HDAC4: variants seen among roughly 807,000 people sequenced by gnomAD.
The protein encoded by HDAC4 is histone deacetylase A.
HDAC4 carries 16 observed loss-of-function variants against 135.1 expected under a neutral mutation model. The observed-to-expected ratio is 0.12, with a 90% CI of 0.08 to 0.18. The LOEUF (loss-of-function observed/expected upper bound fraction) is 0.18. Among genes scored for constraint, HDAC4 ranks in the 10% least tolerant of loss-of-function variants. The pLI is 1.00. For synonymous variants in HDAC4, 685 were observed against 653.4 expected (o/e 1.05, Z -0.74); for missense variants, 1,143 against 1,511.8 (o/e 0.76, Z 4.05).
At chr2:239,147,730 A>G (rs945096566) in intron 7 of HDAC4, among the ~76,000 whole-genome samples, 3 of 152,388 alleles carry the variant, frequency 2.0e-5, no homozygotes, top group South Asian at 2.1e-4. Flanking sequence ...TTCCAAATGC[A>G]GTGTCTGCTC....
At chr2:239,089,702 C>T (rs560423128) in intron 18 of HDAC4, 38 of 342,432 alleles carry the variant, frequency 1.1e-4, no homozygotes, top group African/African-American at 7.4e-4. Context: ...GTGGATATAA[C>T]TCATGTAAAC....
At chr2:239,218,493 T>A (rs1575438240) in intron 3 of HDAC4, among the ~76,000 whole-genome samples, 1 of 150,990 alleles carries the variant, frequency 6.6e-6, no homozygotes. Context: ...ACTTAAACAT[T>A]AGACCTAAAA....
chr2:239,209,462 A>G (rs518274), intron 3 of HDAC4, among the ~76,000 whole-genome samples: 82,846 of 152,100 alleles, frequency 0.54, 23,706 homozygotes, highest in South Asian at 0.72. Flanking sequence ...CACTTATCCT[A>G]CTATTCTACG....
intron 2 of HDAC4, among the ~76,000 whole-genome samples, chr2:239,275,179 G>A (rs940981655): frequency 1.3e-5 from 2 of 152,184 alleles, no homozygotes; most frequent in African/African-American, 4.8e-5. Context: ...AGCCCCGTGG[G>A]CCGAAGCCAC....
intron 2 of HDAC4, among the ~76,000 whole-genome samples, chr2:239,314,163 CACCAGGCAGAA>C (rs2053015701): frequency 6.6e-6 from 1 of 152,198 alleles, no homozygotes; most frequent in South Asian, 2.1e-4. Flanking sequence ...CACCTCCCAG[CACCAGGCAGAA>C]ACCTTCTCTA....
At chr2:239,174,079 C>T (rs1489070532) in intron 5 of HDAC4, among the ~76,000 whole-genome samples, 1 of 152,132 alleles carries the variant, frequency 6.6e-6, no homozygotes, top group African/African-American at 2.4e-5. Context: ...ATTCCAGGTA[C>T]AATCAGCTCC....
In HDAC4 at chr2:239,199,538, TGG is replaced by T. The variant is rs34988209; in HGVS notation, c.95-9463_95-9462del. Among the ~76,000 whole-genome samples, 4 of 152,070 alleles carry T rather than the reference TGG, an allele frequency of 2.6e-5. No individual in the cohort carries two copies. In the South Asian group the frequency reaches 6.2e-4, roughly 24 times the overall value. On this transcript the variant is annotated intron_variant, in intron 3 of 26. Coordinates refer to ENST00000543185, the MANE Select transcript of HDAC4 (RefSeq NM_001378414.1). ...TTTGCCCATGTCTGAAAATCCTGAG[TGG>T]GTCTCGTGGCAGCCTCCAAACTCGA...
chr2:239,101,913 G>A (rs2037684910), intron 16 of HDAC4, among the ~76,000 whole-genome samples: 1 of 149,032 alleles, frequency 6.7e-6, no homozygotes, highest in Non-Finnish European at 1.5e-5. Context: ...GGAGCCCCCG[G>A]CCCCGGGTCT....
chr2:239,242,177 G>A (rs1228359377), intron 2 of HDAC4, among the ~76,000 whole-genome samples: 1 of 141,650 alleles, frequency 7.1e-6, no homozygotes, highest in Non-Finnish European at 1.5e-5. Flanking sequence ...GAGAAAGAAA[G>A]AGAGAGAGAG....
rs1048021290 is a variant in HDAC4 at position 239,094,798 on chromosome 2, G to C, written c.2280+212C>G. The C allele has an allele frequency of 3.5e-6, 5 of 1,426,314 alleles. No individual in the cohort carries two copies. The African/African-American group carries it at 7.2e-5, about 20-fold the overall frequency. 88.4% of individuals were successfully genotyped at this position (1,426,314 alleles called of 1,614,324 possible). On this transcript the variant is annotated intron_variant, in intron 17 of 26. Coordinates refer to ENST00000543185, the MANE Select transcript of HDAC4 (RefSeq NM_001378414.1). ...GCACCCCAGAGCCCCAGCCACCTGC[G>C]CCAGACAACCTTCCCCAGAGAAAGG...
chr2:239,061,458 G>A (rs112054963), intron 24 of HDAC4, among the ~76,000 whole-genome samples: 3,691 of 151,442 alleles, frequency 0.024, 115 homozygotes, highest in African/African-American at 0.068. Context: ...GTGGGTGTGC[G>A]TATGTGTGGT....
chr2:239,188,500 G>A (rs1363481498), intron 4 of HDAC4, among the ~76,000 whole-genome samples: 1 of 152,202 alleles, frequency 6.6e-6, no homozygotes, highest in Admixed American at 6.5e-5. Context: ...AAGACCTCAG[G>A]TGAACAACTT....
rs138545797 is a variant in HDAC4 at position 239,186,265 on chromosome 2, C to T, written c.339+3568G>A. ...TTTAAGTTATATTTTAAAAATGACT[C>T]CCTTTTCAATTATAAAACTCTATTC... is the stretch of plus-strand genomic sequence containing the variant. On this transcript the variant is annotated intron_variant, in intron 4 of 26. Coordinates refer to ENST00000543185, the MANE Select transcript of HDAC4 (RefSeq NM_001378414.1). Among the ~76,000 whole-genome samples the T allele has an allele frequency of 2.5e-3, 384 of 152,276 alleles. 2 individuals are homozygous for T. The highest frequency in any genetic ancestry group is 8.8e-3 in the African/African-American group (366 of 41,552).
rs2277885 is a variant in HDAC4 at position 239,126,331 on chromosome 2, C to T, written c.1533+125G>A. On this transcript the variant is annotated intron_variant, in intron 12 of 26. Coordinates refer to ENST00000543185, the MANE Select transcript of HDAC4 (RefSeq NM_001378414.1). ...CTGTGGGCCAGAGCATGTGCCTCCT[C>T]GGTTCCCTCTTTCTGCCTCCTGGCC... 0.56 allele frequency: 840,620 copies of T among 1,505,422 alleles called. 237,909 individuals carry two copies. The highest frequency in any genetic ancestry group is 0.76 in the East Asian group (33,209 of 43,824). 93.3% of individuals were successfully genotyped at this position (1,505,422 alleles called of 1,614,324 possible). A position where few individuals can be genotyped will look rare whatever the true frequency, so the allele number is the denominator to read the frequency against.
chr2:239,241,377 C>G (rs2048166651), intron 2 of HDAC4, among the ~76,000 whole-genome samples: 1 of 152,186 alleles, frequency 6.6e-6, no homozygotes, highest in Non-Finnish European at 1.5e-5. Flanking sequence ...TTTGTCTTTC[C>G]CAGATGACCA....
chr2:239,111,458 G>T lies in HDAC4; in HGVS notation c.1978+68C>A. 1.4e-5 allele frequency: 21 copies of T among 1,466,480 alleles called. No individual in the cohort carries two copies. In the South Asian group the frequency reaches 2.4e-4, roughly 17 times the overall value. The allele number at this position is 1,466,480 out of a possible 1,614,324, so 90.8% of individuals were successfully genotyped here. A position where few individuals can be genotyped will look rare whatever the true frequency, so the allele number is the denominator to read the frequency against. ...AGCCTCTGCAGAGCTGGGCCGGGAA[G>T]AGCCCCCCGCGCTGTGCCCACTGTG... On this transcript the variant is annotated intron_variant, in intron 14 of 26. Transcript: ENST00000543185.
intron 2 of HDAC4, among the ~76,000 whole-genome samples, chr2:239,249,665 T>C (rs543781871): frequency 3.3e-5 from 5 of 152,162 alleles, no homozygotes; most frequent in Non-Finnish European, 7.3e-5. Context: ...CAACATGTAT[T>C]TCAGCAGCAT....
At chr2:239,234,930 C>T (rs1181244796) in intron 3 of HDAC4, among the ~76,000 whole-genome samples, 6 of 152,164 alleles carry the variant, frequency 3.9e-5, no homozygotes, top group Non-Finnish European at 5.9e-5. Context: ...TGGTTAAGCA[C>T]AAGCAAGTTG....
chr2:239,079,991 T>C (rs1034006514), intron 22 of HDAC4, among the ~76,000 whole-genome samples: 1 of 148,342 alleles, frequency 6.7e-6, no homozygotes, highest in Non-Finnish European at 1.5e-5. Context: ...CCTGCAGACA[T>C]GCACATGGCT....
Sources: allele counts gnomAD v4.1 joint callset (sites outside exome capture counted in the v4.1 genomes callset), GRCh38; gene constraint gnomAD v4.1.1; transcripts MANE v1.5; gene names NCBI Gene and HGNC (gene_info 2026-07-23, HGNC 2026-07-21).